RGS7BP: variants seen among roughly 807,000 people sequenced by gnomAD.
The protein encoded by RGS7BP is regulator of G protein signaling 7 binding protein.
In RGS7BP, 9 loss-of-function variants were observed where a neutral mutation model predicts 31.3. The ratio of observed to expected loss-of-function variants is 0.29; its 90% CI spans 0.17 to 0.50. The LOEUF (loss-of-function observed/expected upper bound fraction) is 0.50, where lower values mean the gene tolerates loss of function less well. Among genes scored for constraint, RGS7BP ranks in the 20% least tolerant of loss-of-function variants. The probability of loss-of-function intolerance (pLI) is 0.98; values close to 1 mark genes in which losing one functional copy is unlikely to be tolerated. For synonymous variants in RGS7BP, 115 were observed against 120.1 expected (o/e 0.96, Z 0.28); for missense variants, 274 against 322.0 (o/e 0.85, Z 1.14).
rs150437423 is a variant in RGS7BP, at chr5:64,519,334, A to G, written c.332+11457A>G. ...CATTGTGCAAACCTCCAGAAGCATA[A>G]AGATGAATCAACATGGCCCTTGCCC... On this transcript the variant is annotated intron_variant, in intron 2 of 5. Transcript: ENST00000334025. Among the ~76,000 whole-genome samples, 1,368 of 152,334 alleles carry G rather than the reference A, an allele frequency of 9.0e-3. 10 individuals are homozygous for G. The highest frequency in any genetic ancestry group is 0.015 in the Non-Finnish European group (1,019 of 68,010).
intron 2 of RGS7BP, among the ~76,000 whole-genome samples, chr5:64,560,607 A>AT (rs1344997896): frequency 6.6e-6 from 1 of 151,588 alleles, no homozygotes; most frequent in Non-Finnish European, 1.5e-5. Context: ...TGCATGCTTA[A>AT]TTTTTTATTT....
intron 3 of RGS7BP, among the ~76,000 whole-genome samples, chr5:64,584,203 C>T (rs1018687148): frequency 2.0e-5 from 3 of 152,124 alleles, no homozygotes; most frequent in Non-Finnish European, 2.9e-5. Context: ...GATTAGTGAG[C>T]ATATTTCAAA....
At chr5:64,568,134 C>T (rs1286751426) in intron 2 of RGS7BP, among the ~76,000 whole-genome samples, 1 of 151,434 alleles carries the variant, frequency 6.6e-6, no homozygotes, top group African/African-American at 2.4e-5. Context: ...AAATAAATAC[C>T]TTTAAAAATA....
At chr5:64,563,569 C>T (rs978864840) in intron 2 of RGS7BP, among the ~76,000 whole-genome samples, 2 of 152,060 alleles carry the variant, frequency 1.3e-5, no homozygotes, top group African/African-American at 2.4e-5. Context: ...TCAGTGATTG[C>T]CAGAAAACTA....
chr5:64,506,808 TC>T lies in RGS7BP; in HGVS notation c.165+20del, dbSNP rs777580960. ...CAAGATGGTGGGTGAAAACTGCGCC[TC>T]TTTTTTTTTTTTTTTAATTGAGAGG... On this transcript the variant is annotated intron_variant, in intron 1 of 5. Coordinates refer to ENST00000334025, the MANE Select transcript of RGS7BP (RefSeq NM_001029875.3). The surrounding 1 kb of genome is among the most constrained non-coding windows in gnomAD (Gnocchi z 4.6). The T allele has an allele frequency of 3.2e-5, 46 of 1,444,716 alleles. No individual in the cohort carries two copies. Among genetic ancestry groups the T allele is most frequent in the Admixed American group, 1.4e-4 (6 of 42,018 alleles). 89.5% of individuals were successfully genotyped at this position (1,444,716 alleles called of 1,614,324 possible).
chr5:64,594,737 G>A lies in RGS7BP; in HGVS notation c.491G>A (p.Ser164Asn), dbSNP rs1169594574. The A allele has an allele frequency of 2.5e-6, 4 of 1,613,774 alleles. No homozygotes were observed. Among genetic ancestry groups the A allele is most frequent in the Middle Eastern group, 1.7e-4 (1 of 6,056 alleles). The change falls in exon 4 of 6, where the codon AGT (serine) becomes AAT (asparagine). Residue 164 changes from serine (S) to asparagine (N), a missense_variant. Around this residue, in one of 3 missense-constraint regions of RGS7BP, gnomAD observed 112 missense variants for 130.9 expected, o/e 0.86. Transcript: ENST00000334025. ...KGKEPGGGTK[S>N]LDCKIEESAE... is the part of the protein sequence containing the mutation. ...AAGGAACCTGGCGGGGGAACCAAGA[G>A]TTTGGATTGCAAAATTGAGGAGAGT...
chr5:64,577,821 G>A (rs896478555), intron 3 of RGS7BP, among the ~76,000 whole-genome samples: 2 of 152,104 alleles, frequency 1.3e-5, no homozygotes, highest in East Asian at 1.9e-4. Flanking sequence ...TTTAGTGACC[G>A]AGTAGACAAG....
At chr5:64,556,034 G>A (rs1447555075) in intron 2 of RGS7BP, among the ~76,000 whole-genome samples, 1 of 151,996 alleles carries the variant, frequency 6.6e-6, no homozygotes, top group Admixed American at 6.6e-5. Flanking sequence ...TAGAAGTAGA[G>A]TTGATGGGTT....
chr5:64,523,293 A>G (rs73109054), intron 2 of RGS7BP, among the ~76,000 whole-genome samples: 1 of 152,032 alleles, frequency 6.6e-6, no homozygotes, highest in Non-Finnish European at 1.5e-5. Context: ...CCCAGGCTTC[A>G]TTGTTTGCTG....
chr5:64,551,924 T>A (rs895439117), intron 2 of RGS7BP, among the ~76,000 whole-genome samples: 9 of 152,172 alleles, frequency 5.9e-5, no homozygotes, highest in African/African-American at 2.2e-4. Context: ...TCAGCTGACA[T>A]CCTTACAGTA....
At chr5:64,511,835 G>C (rs1748847051) in intron 2 of RGS7BP, among the ~76,000 whole-genome samples, 1 of 152,180 alleles carries the variant, frequency 6.6e-6, no homozygotes, top group African/African-American at 2.4e-5. Context: ...TCCTTCATCT[G>C]TAAGGATGAA....
At chr5:64,518,368 G>A (rs745492871) in intron 2 of RGS7BP, among the ~76,000 whole-genome samples, 106 of 151,844 alleles carry the variant, frequency 7.0e-4, no homozygotes, top group Non-Finnish European at 8.8e-4. Flanking sequence ...TGGTGGTGGC[G>A]GGGGTGGGGC....
chr5:64,599,464 A>G (rs1358961828), intron 5 of RGS7BP, among the ~76,000 whole-genome samples: 1 of 152,330 alleles, frequency 6.6e-6, no homozygotes, highest in African/African-American at 2.4e-5. Flanking sequence ...GCAGCTCAGC[A>G]GAAGGTGGAG....
At chr5:64,608,304 T>C (rs1216941116) in intron 5 of RGS7BP, among the ~76,000 whole-genome samples, 1 of 152,048 alleles carries the variant, frequency 6.6e-6, no homozygotes, top group Non-Finnish European at 1.5e-5. Flanking sequence ...TGCACTTTTT[T>C]AAATAACCCA....
In RGS7BP at chr5:64,609,544, T is replaced by C. The variant is rs935108551; in HGVS notation, c.*292T>C. Reference sequence around the variant, plus strand: ...GCCATGACAGATGCAAGAATTATGATTTTTAAATTATTTAAAGGTTTTTTA... The same window carrying C: ...GCCATGACAGATGCAAGAATTATGACTTTTAAATTATTTAAAGGTTTTTTA... On this transcript the variant is annotated 3_prime_UTR_variant, in exon 6 of 6. Coordinates refer to ENST00000334025, the MANE Select transcript of RGS7BP (RefSeq NM_001029875.3). The C allele has an allele frequency of 6.1e-6, 2 of 326,452 alleles. No homozygotes were observed. The highest frequency in any genetic ancestry group is 4.1e-5 in the African/African-American group (2 of 48,388). The allele number at this position is 326,452 out of a possible 1,614,324, so 20.2% of individuals were successfully genotyped here. A position where few individuals can be genotyped will look rare whatever the true frequency, so the allele number is the denominator to read the frequency against.
chr5:64,524,549 T>G (rs1048239206), intron 2 of RGS7BP, among the ~76,000 whole-genome samples: 2 of 152,222 alleles, frequency 1.3e-5, no homozygotes, highest in African/African-American at 4.8e-5. Flanking sequence ...TATAATTTCT[T>G]CTAATTATAG....
intron 2 of RGS7BP, among the ~76,000 whole-genome samples, chr5:64,517,018 A>C (rs1349250912): frequency 6.9e-6 from 1 of 144,230 alleles, no homozygotes; most frequent in Non-Finnish European, 1.5e-5. Context: ...CTCGCCCAGA[A>C]AAAAAAAAAA....
intron 2 of RGS7BP, among the ~76,000 whole-genome samples, chr5:64,568,788 T>TG (rs1044358162): frequency 1.3e-4 from 19 of 151,962 alleles, no homozygotes; most frequent in African/African-American, 3.6e-4. Context: ...TATTGTTTTT[T>TG]TTTTTTTTTA....
intron 2 of RGS7BP, among the ~76,000 whole-genome samples, chr5:64,569,430 AT>A (rs983586534): frequency 6.6e-6 from 1 of 151,628 alleles, no homozygotes; most frequent in Non-Finnish European, 1.5e-5. Context: ...TCTTATTTCT[AT>A]TTTTCTGATT....
Sources: allele counts gnomAD v4.1 joint callset (sites outside exome capture counted in the v4.1 genomes callset), GRCh38; gene constraint gnomAD v4.1.1; regional missense constraint gnomAD v4.1.1; non-coding constraint Gnocchi (gnomAD v3.1); transcripts MANE v1.5; gene names NCBI Gene and HGNC (gene_info 2026-07-23, HGNC 2026-07-21).